Variants in SGCZ observed in about 807,000 individuals in gnomAD.
The protein encoded by SGCZ is sarcoglycan zeta, also known as zeta-sarcoglycan.
Under a neutral mutation model 41.3 loss-of-function variants are expected in SGCZ, and 40 were observed. That is an observed-to-expected ratio of 0.97 (90% CI 0.75 to 1.26). The LOEUF (loss-of-function observed/expected upper bound fraction) is 1.26, where lower values mean the gene tolerates loss of function less well. Among genes scored for constraint, SGCZ ranks in the 50% most tolerant of loss-of-function variants. The pLI, the probability that SGCZ is intolerant of heterozygous loss-of-function variation, is 0.00. For missense variants in SGCZ, 552 were observed against 369.8 expected, an observed-to-expected ratio of 1.49 and a Z score of -4.04; for synonymous variants, 206 against 137.5, an observed-to-expected ratio of 1.50 and a Z score of -3.49.
intron 1 of SGCZ, among the ~76,000 whole-genome samples, chr8:15,205,263 A>G (rs1801023085): frequency 6.6e-6 from 1 of 152,208 alleles, no homozygotes; most frequent in South Asian, 2.1e-4. Context: ...AGTGGGATGT[A>G]ATTAAGTTTA....
chr8:14,815,160 G>C (rs1217211152), intron 1 of SGCZ, among the ~76,000 whole-genome samples: 1 of 151,864 alleles, frequency 6.6e-6, no homozygotes, highest in African/African-American at 2.4e-5. Flanking sequence ...TGTATGTTGA[G>C]AAGAAAGTGC....
intron 1 of SGCZ, among the ~76,000 whole-genome samples, chr8:14,596,496 T>G (rs1805417735): frequency 6.6e-6 from 1 of 152,226 alleles, no homozygotes; most frequent in Non-Finnish European, 1.5e-5. Context: ...TCATATGGTT[T>G]AAATAATAAT....
intron 1 of SGCZ, among the ~76,000 whole-genome samples, chr8:14,723,494 C>G (rs1213125897): frequency 6.6e-6 from 1 of 152,104 alleles, no homozygotes; most frequent in Non-Finnish European, 1.5e-5. Context: ...AGGCGTGGAG[C>G]TGGGGACCTT....
intron 4 of SGCZ, among the ~76,000 whole-genome samples, chr8:14,196,412 C>A (rs1190198601): frequency 6.6e-6 from 1 of 151,898 alleles, no homozygotes; most frequent in Non-Finnish European, 1.5e-5. Flanking sequence ...GAGACAATAA[C>A]AAGTGGTGGA....
intron 1 of SGCZ, among the ~76,000 whole-genome samples, chr8:14,803,664 C>A (rs1368961161): frequency 6.6e-6 from 1 of 152,086 alleles, no homozygotes; most frequent in East Asian, 1.9e-4. Flanking sequence ...GGGCGCCCGC[C>A]ATTGCCCAGG....
intron 1 of SGCZ, among the ~76,000 whole-genome samples, chr8:15,192,838 C>G (rs1162537147): frequency 6.6e-6 from 1 of 151,966 alleles, no homozygotes; most frequent in Admixed American, 6.6e-5. Context: ...TCCAAGAAAA[C>G]AAAAGCAGCC....
At chr8:14,602,966 G>C (rs1805640237) in intron 1 of SGCZ, among the ~76,000 whole-genome samples, 1 of 152,126 alleles carries the variant, frequency 6.6e-6, no homozygotes, top group Non-Finnish European at 1.5e-5. Context: ...TCATACACTA[G>C]GCATGCCGAA....
intron 1 of SGCZ, among the ~76,000 whole-genome samples, chr8:14,559,917 G>T (rs1339959513): frequency 1.3e-5 from 2 of 151,852 alleles, no homozygotes; most frequent in African/African-American, 4.8e-5. Context: ...CTCTGATTTG[G>T]CGTAGATGTG....
rs189928608 is a variant in SGCZ at position 14,358,498 on chromosome 8, A to G, written c.235-34294T>C. ...CTTCAGTTACTATATAAAATATGTTATATGTCAAGGAAACTAGTTATTAAA... is the reference window on the plus strand; with the variant it reads ...CTTCAGTTACTATATAAAATATGTTGTATGTCAAGGAAACTAGTTATTAAA... On this transcript the variant is annotated intron_variant, in intron 2 of 7. Transcript: ENST00000382080. 1.5e-3 allele frequency among the ~76,000 whole-genome samples: 221 copies of G among 152,332 alleles called. 2 individuals are homozygous for G. Among genetic ancestry groups the G allele is most frequent in the South Asian group, 0.014 (67 of 4,830 alleles).
At chr8:14,615,931 T>G (rs1433591766) in intron 1 of SGCZ, among the ~76,000 whole-genome samples, 2 of 152,142 alleles carry the variant, frequency 1.3e-5, no homozygotes, top group African/African-American at 4.8e-5. Context: ...TTAGAATAAG[T>G]TCTGGCCACA....
At chr8:14,422,066 T>C (rs954953787) in intron 2 of SGCZ, among the ~76,000 whole-genome samples, 14 of 152,154 alleles carry the variant, frequency 9.2e-5, no homozygotes, top group African/African-American at 2.9e-4. Context: ...TTCCTTGATA[T>C]CTAAACAAAT....
chr8:14,825,729 G>C (rs921366959), intron 1 of SGCZ, among the ~76,000 whole-genome samples: 1 of 151,994 alleles, frequency 6.6e-6, no homozygotes, highest in African/African-American at 2.4e-5. Context: ...CCAGTGTCTG[G>C]TAACCACTGT....
At chr8:14,097,518 G>T (rs1409329869) in intron 7 of SGCZ, among the ~76,000 whole-genome samples, 1 of 152,162 alleles carries the variant, frequency 6.6e-6, no homozygotes, top group Admixed American at 6.6e-5. Context: ...CAATTATGTG[G>T]TCATTGTTAG....
intron 1 of SGCZ, among the ~76,000 whole-genome samples, chr8:14,978,715 C>A (rs1235880643): frequency 1.3e-5 from 2 of 152,040 alleles, no homozygotes; most frequent in Non-Finnish European, 2.9e-5. Flanking sequence ...TAAAGTAAAG[C>A]TTGGTGGGCC....
At chr8:14,922,825 A>G (rs1232009402) in intron 1 of SGCZ, among the ~76,000 whole-genome samples, 1 of 152,222 alleles carries the variant, frequency 6.6e-6, no homozygotes, top group Admixed American at 6.5e-5. Flanking sequence ...CCATAAAAGG[A>G]AGTAAATACT....
intron 2 of SGCZ, among the ~76,000 whole-genome samples, chr8:14,466,726 CAA>C (rs570335448): frequency 2.6e-5 from 4 of 151,978 alleles, no homozygotes; most frequent in African/African-American, 9.6e-5. Context: ...TCTGCCTGCT[CAA>C]GTCTGCTTTT....
At chr8:14,345,437 A>AG (rs1173986723) in intron 2 of SGCZ, among the ~76,000 whole-genome samples, 1 of 152,146 alleles carries the variant, frequency 6.6e-6, no homozygotes, top group Non-Finnish European at 1.5e-5. Context: ...CCAGAAAAAA[A>AG]TGTGTGAATG....
intron 3 of SGCZ, among the ~76,000 whole-genome samples, chr8:14,298,535 T>C (rs1410055394): frequency 6.6e-6 from 1 of 152,026 alleles, no homozygotes; most frequent in Non-Finnish European, 1.5e-5. Flanking sequence ...TGTATTTCTA[T>C]ATATTGGTAA....
intron 1 of SGCZ, among the ~76,000 whole-genome samples, chr8:14,806,850 G>A (rs900272238): frequency 2.6e-5 from 4 of 151,348 alleles, no homozygotes; most frequent in African/African-American, 9.7e-5. Flanking sequence ...CTGGCAAAAC[G>A]AATCCAGCAG....
Sources: gnomAD v4.1 joint callset for allele counts (sites outside exome capture counted in the v4.1 genomes callset) on GRCh38, gnomAD v4.1.1 for gene constraint, MANE v1.5 for transcripts, NCBI Gene and HGNC (gene_info 2026-07-23, HGNC 2026-07-21) for gene names.